CLCF1: variants seen among roughly 807,000 people sequenced by gnomAD.
The protein encoded by CLCF1 is cardiotrophin like cytokine factor 1.
A neutral mutation model predicts 21.2 loss-of-function variants in CLCF1; 10 were observed. The ratio of observed to expected loss-of-function variants is 0.47; its 90% CI spans 0.29 to 0.80. The LOEUF is 0.80. Among genes scored for constraint, CLCF1 ranks in the 30% least tolerant of loss-of-function variants. The probability of loss-of-function intolerance (pLI) is 0.09; values close to 1 mark genes in which losing one functional copy is unlikely to be tolerated. For synonymous variants in CLCF1, 115 were observed against 120.5 expected (o/e 0.95, Z 0.30); for missense variants, 240 against 293.4 (o/e 0.82, Z 1.33).
chr11:67,373,866 T>G, upstream of CLCF1: 6 of 809,366 alleles, frequency 7.4e-6, no homozygotes, highest in East Asian at 8.2e-5. Context: ...GAGGCGAGGC[T>G]GTGGCGGTAC....
Position 67,364,883 on chromosome 11 carries a change from C to CTCTGCACCA in CLCF1, c.*252_*253insTGGTGCAGA. Reference sequence around the variant, plus strand: ...GCCTCTGCACCAACCTGAACCACTTCACACTCCCTCGAGCATGACTTCCTG... The same window carrying CTCTGCACCA: ...GCCTCTGCACCAACCTGAACCACTTCTCTGCACCAACACTCCCTCGAGCATGACTTCCTG... On this transcript the variant is annotated 3_prime_UTR_variant, in exon 3 of 3. Coordinates refer to ENST00000312438, the MANE Select transcript of CLCF1 (RefSeq NM_013246.3). 1 of 570,910 alleles carries CTCTGCACCA rather than the reference C, an allele frequency of 1.8e-6. No individual in the cohort carries two copies. Among genetic ancestry groups the CTCTGCACCA allele is most frequent in the Non-Finnish European group, 3.0e-6 (1 of 330,838 alleles). The allele number at this position is 570,910 out of a possible 1,614,324, so 35.4% of individuals were successfully genotyped here.
At chr11:67,374,047 C>T (rs1590920218), upstream of CLCF1, 1 of 986,134 alleles carries the variant, frequency 1.0e-6, no homozygotes. Context: ...TCCAACCTAC[C>T]TCTGCCTGTG....
At position 67,365,616 on chromosome 11, in the gene CLCF1, G is replaced by T. The variant is rs767245313; in HGVS notation, c.198C>A (p.Gly66=). 3 of 1,610,500 alleles carry T rather than the reference G, an allele frequency of 1.9e-6. No individual in the cohort carries two copies. The highest frequency in any genetic ancestry group is 1.3e-5 in the African/African-American group (1 of 74,842). ...SLAGTYLNYL[G]PPFNEPDFNP... is the part of the protein sequence containing the mutation. ...TGAAGTCTGGCTCGTTGAAAGGGGG[G>T]CCCAGGTAGTTCAGCTGTGAAAAGG... is the stretch of plus-strand genomic sequence containing the variant. The change falls in exon 3 of 3, where the codon GGC becomes GGA. Residue 66 remains glycine (G), a synonymous_variant. Transcript: ENST00000312438. This position sits in a 1 kb window ranked among gnomAD's most constrained non-coding sequence, Gnocchi z 5.0.
At position 67,372,619 on chromosome 11, in the gene CLCF1, CG is replaced by C. The variant is rs1200403916; in HGVS notation, c.16+904del. Among the ~76,000 whole-genome samples, 36 of 122,612 alleles carry C rather than the reference CG, an allele frequency of 2.9e-4. No individual in the cohort carries two copies. Among genetic ancestry groups the C allele is most frequent in the African/African-American group, 1.2e-3 (34 of 28,484 alleles). The allele number at this position is 122,612 out of a possible 152,430, so 80.4% of individuals were successfully genotyped here. A position where few individuals can be genotyped will look rare whatever the true frequency, so the allele number is the denominator to read the frequency against. On this transcript the variant is annotated intron_variant, in intron 1 of 2. Transcript: ENST00000312438. The surrounding 1 kb of genome is among the most constrained non-coding windows in gnomAD (Gnocchi z 5.9). ...CCGCCCGGTCGCTCCTTCCCCGCGG[CG>C]GGGGCGGGGGCGGGGGCGGGGGCGG...
intron 1 of CLCF1, among the ~76,000 whole-genome samples, chr11:67,371,704 A>C (rs1862237765): frequency 6.6e-6 from 1 of 151,606 alleles, no homozygotes; most frequent in Admixed American, 6.6e-5. Flanking sequence ...AGTCCAGGGC[A>C]GTGGTGGGTG....
Position 67,365,345 on chromosome 11 carries a change from G to C in CLCF1, c.469C>G (p.Pro157Ala). The C allele has an allele frequency of 6.2e-7, 1 of 1,613,162 alleles. No individual in the cohort carries two copies. The highest frequency in any genetic ancestry group is 8.5e-7 in the Non-Finnish European group (1 of 1,179,844). ...GTCCCAGGCAGCGGCTGGGGCAGTG[G>C]GTAGCCCAGAGCTGCCATGACGCCC... Reference protein sequence around the residue: ...IAGVMAALGYPLPQPLPGTEP... With the variant: ...IAGVMAALGYALPQPLPGTEP... Residue 157 changes from proline (P) to alanine (A), a missense_variant, in exon 3 of 3, where the codon CCA becomes GCA. By Grantham distance (27) the Pro-to-Ala change is conservative. Coordinates refer to ENST00000312438, the MANE Select transcript of CLCF1 (RefSeq NM_013246.3). The surrounding 1 kb of genome is among the most constrained non-coding windows in gnomAD (Gnocchi z 5.0).
chr11:67,364,946 C>A lies in CLCF1; in HGVS notation c.*190G>T, dbSNP rs1413754788. 3.5e-6 allele frequency: 3 copies of A among 861,764 alleles called. No individual in the cohort carries two copies. The highest frequency in any genetic ancestry group is 3.5e-6 in the Non-Finnish European group (2 of 570,078). The allele number at this position is 861,764 out of a possible 1,614,324, so 53.4% of individuals were successfully genotyped here. ...AGGACAGGGCCTACTGTACCTCCTC[C>A]CCAGCTCGGTAGACCTTTGGGAGGT... On this transcript the variant is annotated 3_prime_UTR_variant, in exon 3 of 3. Coordinates refer to ENST00000312438, the MANE Select transcript of CLCF1 (RefSeq NM_013246.3).
At chr11:67,367,266 C>A (rs1168976569) in intron 2 of CLCF1, among the ~76,000 whole-genome samples, 194 bp downstream of exon 2, 1 of 152,158 alleles carries the variant, frequency 6.6e-6, no homozygotes, top group Non-Finnish European at 1.5e-5. Context: ...CATGCCTAGT[C>A]CTGGGGCCAG....
chr11:67,373,432 G>T, intron 1 of CLCF1, 92 bp downstream of exon 1: 1 of 679,502 alleles, frequency 1.5e-6, no homozygotes, highest in Non-Finnish European at 2.3e-6. Flanking sequence ...CGGCCCCGGC[G>T]CGGGGCTCCC....
chr11:67,367,189 G>C (rs1164760062), intron 2 of CLCF1, among the ~76,000 whole-genome samples: 1 of 152,092 alleles, frequency 6.6e-6, no homozygotes, highest in East Asian at 1.9e-4. Flanking sequence ...CGGCCCCCAG[G>C]GGGAGGCGGG....
At chr11:67,368,112 G>A in intron 1 of CLCF1, 2 of 985,428 alleles carry the variant, frequency 2.0e-6, no homozygotes, top group Non-Finnish European at 2.4e-6. Flanking sequence ...CAGCCCTAAG[G>A]GAGGAAGCAG....
chr11:67,368,791 C>T (rs1385006361), intron 1 of CLCF1: 21 of 984,304 alleles, frequency 2.1e-5, no homozygotes, highest in Non-Finnish European at 2.5e-5. Context: ...GTGACTTGGT[C>T]GGTTTAGGTA....
In CLCF1 at chr11:67,373,434, G is replaced by C. The variant is rs1052342697; in HGVS notation, c.16+90C>G. Reference sequence around the variant, plus strand: ...CAGCTCCCTGGCCCGGCCCCGGCGCGGGGCTCCCGGGGGTCAGGGCAGGAC... The same window carrying C: ...CAGCTCCCTGGCCCGGCCCCGGCGCCGGGCTCCCGGGGGTCAGGGCAGGAC... On this transcript the variant is annotated intron_variant, in intron 1 of 2. Transcript: ENST00000312438. 1.9e-5 allele frequency: 13 copies of C among 687,702 alleles called. No homozygotes were observed. The African/African-American group carries it at 2.5e-4, about 13-fold the overall frequency. 42.6% of individuals were successfully genotyped at this position (687,702 alleles called of 1,614,324 possible).
intron 2 of CLCF1, among the ~76,000 whole-genome samples, chr11:67,366,405 G>T (rs1337447333): frequency 6.6e-6 from 1 of 152,208 alleles, no homozygotes; most frequent in Non-Finnish European, 1.5e-5. Flanking sequence ...ACCAGCTGAG[G>T]GGCTGGGGAG....
At chr11:67,367,649 G>C (rs765171910) in intron 1 of CLCF1, 23 bp from the exon 2 acceptor site, 2 of 1,608,962 alleles carry the variant, frequency 1.2e-6, no homozygotes, top group African/African-American at 2.7e-5. Flanking sequence ...TGGACGAGAA[G>C]CATGAGCGCG....
At chr11:67,368,997 A>C (rs1305859979) in intron 1 of CLCF1, 3 of 979,124 alleles carry the variant, frequency 3.1e-6, no homozygotes, top group Non-Finnish European at 1.2e-6. Context: ...TTCTATAATG[A>C]CATAGGTTGC....
chr11:67,364,385 T>G lies in CLCF1; in HGVS notation c.*751A>C, dbSNP rs1862056616. 1 of 152,498 alleles carries G rather than the reference T, an allele frequency of 6.6e-6. No homozygotes were observed. Among genetic ancestry groups the G allele is most frequent in the Non-Finnish European group, 1.5e-5 (1 of 68,042 alleles). 9.4% of individuals were successfully genotyped at this position (152,498 alleles called of 1,614,324 possible). On this transcript the variant is annotated 3_prime_UTR_variant, in exon 3 of 3. Coordinates refer to ENST00000312438, the MANE Select transcript of CLCF1 (RefSeq NM_013246.3). Reference sequence around the variant, plus strand: ...AGGAAATCCTGTGGTGTGGCTATGGTTGCCCTCCCCAGCCTGGCAACCCAC... The same window carrying G: ...AGGAAATCCTGTGGTGTGGCTATGGGTGCCCTCCCCAGCCTGGCAACCCAC...
intron 1 of CLCF1, chr11:67,371,198 C>T: frequency 2.4e-6 from 1 of 420,516 alleles, no homozygotes; most frequent in Non-Finnish European, 3.2e-6. Flanking sequence ...CTCTGGGCTG[C>T]TGCTTTCCCC....
rs948364933 is a variant in CLCF1 at position 67,370,213 on chromosome 11, G to A, written c.17-2587C>T. On this transcript the variant is annotated intron_variant, in intron 1 of 2. Coordinates refer to ENST00000312438, the MANE Select transcript of CLCF1 (RefSeq NM_013246.3). ...CTCAGGCAGCAGGAGGGAAAGCAGC[G>A]TGGGGTGAACACCTGCGGTTTAGTC... 9.3e-5 allele frequency: 92 copies of A among 985,420 alleles called. No homozygotes were observed. The African/African-American group carries it at 1.5e-3, about 16-fold the overall frequency. 61.0% of individuals were successfully genotyped at this position (985,420 alleles called of 1,614,324 possible).
Sources: allele counts gnomAD v4.1 joint callset (sites outside exome capture counted in the v4.1 genomes callset), GRCh38; gene constraint gnomAD v4.1.1; non-coding constraint Gnocchi (gnomAD v3.1); transcripts MANE v1.5; gene names NCBI Gene and HGNC (gene_info 2026-07-23, HGNC 2026-07-21).